ENPP4: variants seen among roughly 807,000 people sequenced by gnomAD.
ENPP4 encodes the protein ectonucleotide pyrophosphatase/phosphodiesterase 4.
Under a neutral mutation model 33.4 loss-of-function variants are expected in ENPP4, and 18 were observed. The ratio of observed to expected loss-of-function variants is 0.54; its 90% CI spans 0.37 to 0.80. The LOEUF (loss-of-function observed/expected upper bound fraction) is 0.80, where lower values mean the gene tolerates loss of function less well. Ranked by LOEUF, ENPP4 falls within the 30% of genes least tolerant of loss-of-function variation. ENPP4 has a pLI of 0.00. For synonymous variants in ENPP4, 172 were observed against 189.9 expected, an observed-to-expected ratio of 0.91 and a Z score of 0.78; for missense variants, 480 against 541.7, an observed-to-expected ratio of 0.89 and a Z score of 1.13.
chr6:46,131,802 C>T (rs1178720823), intron 1 of ENPP4, among the ~76,000 whole-genome samples: 3 of 152,142 alleles, frequency 2.0e-5, no homozygotes, highest in African/African-American at 7.2e-5. Flanking sequence ...TATTTCTCCA[C>T]ATCCTCTCCA....
chr6:46,141,164 C>G lies in ENPP4; in HGVS notation c.939C>G (p.Pro313=). ...FYYQHNDRIQ[P]IILVADEGWT... ...ACCAACATAATGATCGAATTCAGCC[C>G]ATTATTTTGGTTGCCGATGAAGGCT... is the stretch of plus-strand genomic sequence containing the variant. Residue 313 remains proline (P), a synonymous_variant, in exon 3 of 4, where the codon CCC becomes CCG. Transcript: ENST00000321037. 1 of 1,609,480 alleles carries G rather than the reference C, an allele frequency of 6.2e-7. No homozygotes were observed. The highest frequency in any genetic ancestry group is 8.5e-7 in the Non-Finnish European group (1 of 1,176,982).
chr6:46,134,029 A>T (rs1305605945), intron 1 of ENPP4, among the ~76,000 whole-genome samples: 1 of 152,146 alleles, frequency 6.6e-6, no homozygotes, highest in Admixed American at 6.5e-5. Flanking sequence ...CTTTAGCTTC[A>T]TCATAAGCAA....
At chr6:46,137,956 C>G (rs1763999284) in intron 1 of ENPP4, among the ~76,000 whole-genome samples, 1 of 151,704 alleles carries the variant, frequency 6.6e-6, no homozygotes, top group Non-Finnish European at 1.5e-5. Flanking sequence ...GAAAGTGTTT[C>G]CAGTCTACTT....
At position 46,140,023 on chromosome 6, in the gene ENPP4, T is replaced by A; in HGVS notation, c.440T>A (p.Ile147Asn). Reference sequence around the variant, plus strand: ...ACTGATGTACCCATTCACGATACCATCTCTTCCTATTTTATGAATTACAAC... The same window carrying A: ...ACTGATGTACCCATTCACGATACCAACTCTTCCTATTTTATGAATTACAAC... ...PGTDVPIHDT[I>N]SSYFMNYNSS... Residue 147 changes from isoleucine (I) to asparagine (N), a missense_variant, in exon 2 of 4, where the codon ATC becomes AAC. This residue lies in a region of ENPP4 where 227 missense variants were observed against 273.7 expected (regional missense o/e 0.83). Transcript: ENST00000321037. The A allele has an allele frequency of 1.2e-6, 2 of 1,612,660 alleles. No homozygotes were observed. The highest frequency in any genetic ancestry group is 1.7e-6 in the Non-Finnish European group (2 of 1,179,034).
intron 1 of ENPP4, among the ~76,000 whole-genome samples, chr6:46,136,142 G>A (rs955424821): frequency 6.6e-5 from 10 of 152,022 alleles, no homozygotes; most frequent in South Asian, 4.2e-4. Context: ...AGTCTATTCT[G>A]TTATTTGGTG....
chr6:46,130,206 C>G lies in ENPP4; in HGVS notation c.-34+17C>G, dbSNP rs1187880901. Reference sequence around the variant, plus strand: ...CGGCGGCTGGTGAGTACGCGCCTCGCGCGCTCGGCGTTCTGGGGGGCAATG... The same window carrying G: ...CGGCGGCTGGTGAGTACGCGCCTCGGGCGCTCGGCGTTCTGGGGGGCAATG... On this transcript the variant is annotated intron_variant, in intron 1 of 3. Coordinates refer to ENST00000321037, the MANE Select transcript of ENPP4 (RefSeq NM_014936.5). 9 of 152,316 alleles carry G rather than the reference C, an allele frequency of 5.9e-5. No individual in the cohort carries two copies. Among genetic ancestry groups the G allele is most frequent in the Non-Finnish European group, 1.3e-4 (9 of 68,104 alleles). The allele number at this position is 152,316 out of a possible 1,614,324, so 9.4% of individuals were successfully genotyped here. A position where few individuals can be genotyped will look rare whatever the true frequency, so the allele number is the denominator to read the frequency against.
intron 3 of ENPP4, among the ~76,000 whole-genome samples, chr6:46,142,520 C>A (rs902309516): frequency 6.8e-6 from 1 of 146,286 alleles, no homozygotes; most frequent in African/African-American, 2.5e-5. Flanking sequence ...TTATTGAAAT[C>A]TTTATATATT....
chr6:46,134,718 TCACA>T (rs1763954636), intron 1 of ENPP4, among the ~76,000 whole-genome samples: 1 of 152,088 alleles, frequency 6.6e-6, no homozygotes, highest in Non-Finnish European at 1.5e-5. Flanking sequence ...GAGATATAAA[TCACA>T]CACCATTCAA....
intron 1 of ENPP4, among the ~76,000 whole-genome samples, chr6:46,131,585 CTT>C (rs1195662425): frequency 6.6e-6 from 1 of 152,092 alleles, no homozygotes; most frequent in Non-Finnish European, 1.5e-5. Flanking sequence ...GGTTCCAAGT[CTT>C]TGCTATTGTG....
intron 1 of ENPP4, among the ~76,000 whole-genome samples, chr6:46,135,095 A>T (rs1267101378): frequency 6.6e-6 from 1 of 152,132 alleles, no homozygotes; most frequent in Non-Finnish European, 1.5e-5. Context: ...GTTAGTGCAC[A>T]TTGAGATGTT....
chr6:46,132,615 T>C (rs1763916421), intron 1 of ENPP4, among the ~76,000 whole-genome samples: 1 of 152,210 alleles, frequency 6.6e-6, no homozygotes, highest in South Asian at 2.1e-4. Flanking sequence ...TTCTTTTGGC[T>C]AAGGATTGAC....
rs1036651236 is a variant in ENPP4 at position 46,142,349 on chromosome 6, GTAATATATA to G, written c.998-913_998-905del. On this transcript the variant is annotated intron_variant, in intron 3 of 3. Coordinates refer to ENST00000321037, the MANE Select transcript of ENPP4 (RefSeq NM_014936.5). ...TATATTATATGTAATATAATTATATGTAATATATATAATATATATAATGTATATTATATA... is the reference window on the plus strand; with the variant it reads ...TATATTATATGTAATATAATTATATGTAATATATATAATGTATATTATATA... Among the ~76,000 whole-genome samples the G allele has an allele frequency of 2.7e-3, 117 of 43,148 alleles. 1 individual carries two copies. Among genetic ancestry groups the G allele is most frequent in the Non-Finnish European group, 1.1e-3 (19 of 18,006 alleles). The allele number at this position is 43,148 out of a possible 152,430, so 28.3% of individuals were successfully genotyped here.
rs908425120 is a variant in ENPP4 at position 46,134,141 on chromosome 6, G to GT, written c.-34+3960dup. ...ATTCTGCCTATCATAGTACAGTCTT[G>GT]TTTTTTTTCCCAACATCTTTGTAAC... On this transcript the variant is annotated intron_variant, in intron 1 of 3. Coordinates refer to ENST00000321037, the MANE Select transcript of ENPP4 (RefSeq NM_014936.5). 3.0e-4 allele frequency among the ~76,000 whole-genome samples: 46 copies of GT among 151,838 alleles called. 1 individual carries two copies. In the Middle Eastern group the frequency reaches 0.01, roughly 34 times the overall value.
In ENPP4 at chr6:46,140,135, T is replaced by C. The variant is rs771667311; in HGVS notation, c.552T>C (p.Tyr184=). The change falls in exon 2 of 4, where the codon TAT becomes TAC. Residue 184 remains tyrosine (Y), a synonymous_variant. Transcript: ENST00000321037. ...SNPPVTFATL[Y]WEEPDASGHK... ...CACCAGTCACCTTTGCAACACTATA[T>C]TGGGAAGAACCAGATGCAAGTGGCC... 4 of 1,612,508 alleles carry C rather than the reference T, an allele frequency of 2.5e-6. No homozygotes were observed. The African/African-American group carries it at 4.0e-5, about 16-fold the overall frequency.
At chr6:46,132,681 A>G (rs1003108579) in intron 1 of ENPP4, among the ~76,000 whole-genome samples, 1 of 152,124 alleles carries the variant, frequency 6.6e-6, no homozygotes, top group African/African-American at 2.4e-5. Flanking sequence ...GTTTTTTCCA[A>G]TTCTGTGAAG....
intron 3 of ENPP4, among the ~76,000 whole-genome samples, chr6:46,142,326 TATTATATGTAATATA>T (rs1324857527): frequency 4.6e-5 from 3 of 65,012 alleles, no homozygotes; most frequent in Admixed American, 3.1e-4. Flanking sequence ...ATATTATATA[TATTATATGTAATATA>T]ATTATATGTA....
At chr6:46,134,900 C>T (rs973773657) in intron 1 of ENPP4, among the ~76,000 whole-genome samples, 7 of 151,858 alleles carry the variant, frequency 4.6e-5, no homozygotes, top group African/African-American at 1.7e-4. Flanking sequence ...CTTTTAGTCT[C>T]TATAGATTTG....
intron 1 of ENPP4, among the ~76,000 whole-genome samples, chr6:46,134,196 G>A (rs1226158124): frequency 6.6e-6 from 1 of 151,846 alleles, no homozygotes; most frequent in Non-Finnish European, 1.5e-5. Flanking sequence ...TAATTTTGAG[G>A]GCCTATTCTG....
rs1438676025 is a variant in ENPP4, at chr6:46,141,045, T to A, written c.827-7T>A. ...TGTTTCCTTTGCTGTTTCTTTTTTTTTCTCAGATAGAACAGAGGTTTATAA... is the reference window on the plus strand; with the variant it reads ...TGTTTCCTTTGCTGTTTCTTTTTTTATCTCAGATAGAACAGAGGTTTATAA... On this transcript the variant is annotated splice_region_variant and splice_polypyrimidine_tract_variant and intron_variant, in intron 2 of 3. Transcript: ENST00000321037. 5 of 1,548,682 alleles carry A rather than the reference T, an allele frequency of 3.2e-6. No individual in the cohort carries two copies. Among genetic ancestry groups the A allele is most frequent in the Non-Finnish European group, 4.3e-6 (5 of 1,149,696 alleles).
Sources: allele counts gnomAD v4.1 joint callset (sites outside exome capture counted in the v4.1 genomes callset), GRCh38; gene constraint gnomAD v4.1.1; regional missense constraint gnomAD v4.1.1; transcripts MANE v1.5; gene names NCBI Gene and HGNC (gene_info 2026-07-23, HGNC 2026-07-21).